Variants in ADAMTS17 observed in about 807,000 individuals in gnomAD.
ADAMTS17 encodes A disintegrin and metalloproteinase with thrombospondin motifs 17.
In ADAMTS17, 113 loss-of-function variants were observed where a neutral mutation model predicts 141.5. The observed-to-expected ratio is 0.80, with a 90% CI of 0.69 to 0.93. The LOEUF (loss-of-function observed/expected upper bound fraction) is 0.93. Ranked by LOEUF, ADAMTS17 falls within the 40% of genes least tolerant of loss-of-function variation. The probability of loss-of-function intolerance (pLI) is 0.00; values close to 1 mark genes in which losing one functional copy is unlikely to be tolerated. For missense variants in ADAMTS17, 1,659 were observed against 1,517.9 expected (o/e 1.09, Z -1.54); for synonymous variants, 768 against 630.6 (o/e 1.22, Z -3.27).
intron 7 of ADAMTS17, among the ~76,000 whole-genome samples, chr15:100,221,552 T>C (rs936446170): frequency 6.6e-6 from 1 of 152,224 alleles, no homozygotes; most frequent in Admixed American, 6.5e-5. Context: ...GAAGTTCTAA[T>C]ATACTTCCAC....
intron 7 of ADAMTS17, among the ~76,000 whole-genome samples, chr15:100,249,532 C>T (rs1467763592): frequency 1.3e-5 from 2 of 152,176 alleles, no homozygotes; most frequent in African/African-American, 4.8e-5. Flanking sequence ...GGAGGTCACT[C>T]CCCAGCCGTG....
In ADAMTS17 at chr15:99,977,365, TA is replaced by T. The variant is rs1567631958; in HGVS notation, c.2950-1144del. 7.5e-3 allele frequency among the ~76,000 whole-genome samples: 89 copies of T among 11,916 alleles called. 4 individuals are homozygous for T. Among genetic ancestry groups the T allele is most frequent in the Non-Finnish European group, 0.011 (68 of 6,126 alleles). 7.8% of individuals were successfully genotyped at this position (11,916 alleles called of 152,430 possible). ...CCTCCTCTTCATATATATATATATA[TA>T]TATATATATATATATATATATATAT... On this transcript the variant is annotated intron_variant, in intron 20 of 21. Coordinates refer to ENST00000268070, the MANE Select transcript of ADAMTS17 (RefSeq NM_139057.4).
chr15:99,996,159 A>G (rs954095906), intron 19 of ADAMTS17, among the ~76,000 whole-genome samples: 11 of 151,920 alleles, frequency 7.2e-5, no homozygotes, highest in African/African-American at 2.7e-4. Context: ...GGTTCAAGCA[A>G]TTCTCCTGCC....
At chr15:100,002,849 C>G (rs772526846) in intron 18 of ADAMTS17, among the ~76,000 whole-genome samples, 21 of 151,892 alleles carry the variant, frequency 1.4e-4, no homozygotes, top group Non-Finnish European at 2.8e-4. Context: ...GCTGTCCAGC[C>G]CTTTCCCGCG....
chr15:100,101,931 C>A (rs911098482), intron 14 of ADAMTS17, among the ~76,000 whole-genome samples: 4 of 152,352 alleles, frequency 2.6e-5, no homozygotes, highest in African/African-American at 9.6e-5. Context: ...GCAGCCGTGA[C>A]TCCAGGATTT....
chr15:100,155,170 C>A lies in ADAMTS17; in HGVS notation c.1322+10G>T. ...TTGCATTCATCCTATAGAATAATTC[C>A]AGGACTTACTTGAGGAAGTTTTCAA... On this transcript the variant is annotated intron_variant, in intron 9 of 21. Transcript: ENST00000268070. 6.2e-7 allele frequency: 1 copy of A among 1,614,124 alleles called. No homozygotes were observed. Among genetic ancestry groups the A allele is most frequent in the Non-Finnish European group, 8.5e-7 (1 of 1,180,024 alleles).
intron 15 of ADAMTS17, among the ~76,000 whole-genome samples, chr15:100,085,242 C>G (rs1265370852): frequency 6.6e-6 from 1 of 151,926 alleles, no homozygotes; most frequent in African/African-American, 2.4e-5. Context: ...GAAAGGGTAT[C>G]AGCGATGGAA....
chr15:100,093,659 G>A (rs936830949), intron 15 of ADAMTS17, among the ~76,000 whole-genome samples: 1 of 151,904 alleles, frequency 6.6e-6, no homozygotes, highest in Non-Finnish European at 1.5e-5. Context: ...TTTAGTGCTG[G>A]GGGCCACCCT....
At chr15:100,122,496 TC>T (rs1470169199) in intron 12 of ADAMTS17, among the ~76,000 whole-genome samples, 1 of 152,202 alleles carries the variant, frequency 6.6e-6, no homozygotes, top group Non-Finnish European at 1.5e-5. Context: ...AATGCGGGCC[TC>T]CTGCATGTGC....
chr15:100,125,706 C>T (rs144607991), intron 12 of ADAMTS17, among the ~76,000 whole-genome samples: 1 of 152,268 alleles, frequency 6.6e-6, no homozygotes, highest in Non-Finnish European at 1.5e-5. Context: ...CCACCAACAG[C>T]AACATAAATT....
At chr15:100,191,677 C>T (rs986906383) in intron 8 of ADAMTS17, among the ~76,000 whole-genome samples, 2 of 152,250 alleles carry the variant, frequency 1.3e-5, no homozygotes, top group African/African-American at 4.8e-5. Flanking sequence ...ACAGAGCCCA[C>T]AGTCACAAAT....
intron 3 of ADAMTS17, among the ~76,000 whole-genome samples, chr15:100,313,189 A>G (rs767201129): frequency 9.2e-5 from 14 of 152,342 alleles, no homozygotes; most frequent in Non-Finnish European, 1.6e-4. Context: ...CTATAATACT[A>G]ATATCTAAAC....
At position 100,339,147 on chromosome 15, in the gene ADAMTS17, C is replaced by T. The variant is rs185402149; in HGVS notation, c.450+1892G>A. 9,009 of 985,458 alleles carry T rather than the reference C, an allele frequency of 9.1e-3. 53 individuals are homozygous for T. The highest frequency in any genetic ancestry group is 0.011 in the Middle Eastern group (21 of 1,914). The allele number at this position is 985,458 out of a possible 1,614,324, so 61.0% of individuals were successfully genotyped here. A position where few individuals can be genotyped will look rare whatever the true frequency, so the allele number is the denominator to read the frequency against. ...CACACACTGAACTCAGCCTGTTGGC[C>T]AGGTTCCTTTATCTAAAGCACAGCA... On this transcript the variant is annotated intron_variant, in intron 2 of 21. Transcript: ENST00000268070.
chr15:100,096,205 T>C, intron 15 of ADAMTS17, 151 bp downstream of exon 15: 1 of 1,392,708 alleles, frequency 7.2e-7, no homozygotes, highest in Non-Finnish European at 9.9e-7. Flanking sequence ...ATGTCCTTTC[T>C]TGCTTTTCAG....
chr15:100,289,094 C>T (rs2044543694), intron 3 of ADAMTS17, among the ~76,000 whole-genome samples: 1 of 152,066 alleles, frequency 6.6e-6, no homozygotes, highest in African/African-American at 2.4e-5. Flanking sequence ...GATTGGTAGA[C>T]CTCTAGCTAG....
intron 15 of ADAMTS17, among the ~76,000 whole-genome samples, chr15:100,076,572 G>A (rs2034393671): frequency 6.6e-6 from 1 of 152,184 alleles, no homozygotes; most frequent in South Asian, 2.1e-4. Context: ...TAATCATACT[G>A]ACTGCTTGCA....
At chr15:100,094,778 T>G (rs1353026935) in intron 15 of ADAMTS17, among the ~76,000 whole-genome samples, 2 of 152,256 alleles carry the variant, frequency 1.3e-5, no homozygotes, top group Non-Finnish European at 2.9e-5. Flanking sequence ...GCAGGAGTTT[T>G]GCTCCTAAAT....
At chr15:100,128,225 T>C in intron 12 of ADAMTS17, 1 of 152,368 alleles carries the variant, frequency 6.6e-6, no homozygotes, top group East Asian at 1.9e-4. Flanking sequence ...ACTGCATCCC[T>C]TGTGGGTAGG....
At chr15:100,060,713 C>T (rs1472860929) in intron 15 of ADAMTS17, among the ~76,000 whole-genome samples, 4 of 152,250 alleles carry the variant, frequency 2.6e-5, no homozygotes, top group Non-Finnish European at 4.4e-5. Flanking sequence ...GTTCTGCCAG[C>T]TCTGTTCTTA....
Sources: gnomAD v4.1 joint callset for allele counts (sites outside exome capture counted in the v4.1 genomes callset) on GRCh38, gnomAD v4.1.1 for gene constraint, MANE v1.5 for transcripts, NCBI Gene and HGNC (gene_info 2026-07-23, HGNC 2026-07-21) for gene names.